PVT1: variants seen among roughly 807,000 people sequenced by gnomAD.
The protein encoded by PVT1 is CXCR4/PVT1 fusion.
In PVT1 at chr8:127,873,243, T is replaced by G. The variant is rs975427253; in HGVS notation, n.373-17346T>G. ...GCTTCTCCTTGCAGCCTTCTGAAGATTCCCATGACACACACCTGATTTACC... is the reference window on the plus strand; with the variant it reads ...GCTTCTCCTTGCAGCCTTCTGAAGAGTCCCATGACACACACCTGATTTACC... On this transcript the variant is annotated intron_variant and non_coding_transcript_variant, in intron 2 of 10. Coordinates refer to ENST00000651587, the Ensembl canonical transcript of PVT1. Among the ~76,000 whole-genome samples, 12 of 152,204 alleles carry G rather than the reference T, an allele frequency of 7.9e-5. No homozygotes were observed. The East Asian group carries it at 1.3e-3, about 17-fold the overall frequency.
chr8:127,877,919 C>T (rs1815422884), intron 2 of PVT1, among the ~76,000 whole-genome samples: 1 of 152,150 alleles, frequency 6.6e-6, no homozygotes, highest in African/African-American at 2.4e-5. Context: ...GAACCGGACT[C>T]TGTCTCAAAA....
At chr8:127,960,939 G>GC (rs1816633734) in intron 3 of PVT1, among the ~76,000 whole-genome samples, 1 of 120,968 alleles carries the variant, frequency 8.3e-6, no homozygotes, top group African/African-American at 3.4e-5. Context: ...TGTGTGTTTG[G>GC]GGGTGGGGGG....
chr8:127,986,474 T>C (rs1816971811), intron 3 of PVT1, among the ~76,000 whole-genome samples: 1 of 152,210 alleles, frequency 6.6e-6, no homozygotes, highest in South Asian at 2.1e-4. Context: ...AGCAGGTAGA[T>C]ATCCTTGAGA....
chr8:127,974,391 G>GCATCAT (rs151336453), intron 3 of PVT1, among the ~76,000 whole-genome samples: 4 of 151,748 alleles, frequency 2.6e-5, no homozygotes, highest in East Asian at 1.9e-4. Context: ...AAAAAAGTCA[G>GCATCAT]CATCATCATC....
chr8:127,844,218 T>C (rs1815005724), intron 2 of PVT1, among the ~76,000 whole-genome samples: 1 of 152,156 alleles, frequency 6.6e-6, no homozygotes, highest in South Asian at 2.1e-4. Flanking sequence ...TCTCCTGGCA[T>C]GTCTACATTA....
intron 4 of PVT1, among the ~76,000 whole-genome samples, chr8:128,049,631 G>A (rs1312744751): frequency 6.6e-6 from 1 of 152,126 alleles, no homozygotes; most frequent in Non-Finnish European, 1.5e-5. Context: ...GCAACACAGG[G>A]CTGCCATGCT....
chr8:127,887,819 C>A (rs916776710), intron 2 of PVT1, among the ~76,000 whole-genome samples: 1 of 151,650 alleles, frequency 6.6e-6, no homozygotes, highest in Non-Finnish European at 1.5e-5. Flanking sequence ...TGAGCCACCA[C>A]GCTTGGCCTA....
intron 4 of PVT1, among the ~76,000 whole-genome samples, chr8:128,058,455 C>T (rs547021045): frequency 4.0e-5 from 6 of 151,130 alleles, no homozygotes; most frequent in African/African-American, 1.2e-4. Context: ...AATAGCTCTT[C>T]TACTAAATAC....
chr8:127,805,705 G>C (rs1043035499), intron 2 of PVT1, among the ~76,000 whole-genome samples: 2 of 152,094 alleles, frequency 1.3e-5, no homozygotes, highest in East Asian at 1.9e-4. Flanking sequence ...AGATCAACTA[G>C]TACCAGTTCT....
intron 2 of PVT1, among the ~76,000 whole-genome samples, chr8:127,861,334 C>T (rs1039550257): frequency 1.3e-5 from 2 of 152,184 alleles, no homozygotes; most frequent in South Asian, 2.1e-4. Context: ...GCAGGCTGGG[C>T]GCCGTGGCTC....
intron 5 of PVT1, among the ~76,000 whole-genome samples, chr8:128,077,727 A>G (rs1451638061): frequency 6.6e-6 from 1 of 152,186 alleles, no homozygotes; most frequent in Non-Finnish European, 1.5e-5. Flanking sequence ...TTTTAATAAA[A>G]TGCTTGCAGA....
At chr8:127,944,976 T>A (rs1021973839) in intron 3 of PVT1, among the ~76,000 whole-genome samples, 1 of 151,754 alleles carries the variant, frequency 6.6e-6, no homozygotes, top group African/African-American at 2.4e-5. Flanking sequence ...TTCCGGGGAG[T>A]CTGACCCTCT....
intron 4 of PVT1, among the ~76,000 whole-genome samples, chr8:128,064,297 G>T (rs138739359): frequency 1.8e-3 from 269 of 152,320 alleles, no homozygotes; most frequent in African/African-American, 6.3e-3. Context: ...GCGATTCATG[G>T]TTTTACAAAA....
At chr8:127,981,755 C>A (rs1471618356) in intron 3 of PVT1, among the ~76,000 whole-genome samples, 2 of 152,124 alleles carry the variant, frequency 1.3e-5, no homozygotes, top group African/African-American at 4.8e-5. Flanking sequence ...TCCTTTCTTC[C>A]CACACCCCCA....
intron 5 of PVT1, among the ~76,000 whole-genome samples, chr8:128,096,099 G>A (rs950852841): frequency 1.3e-5 from 2 of 152,228 alleles, no homozygotes; most frequent in Admixed American, 1.3e-4. Context: ...AGGTACAACT[G>A]TGCTTTGTAA....
chr8:127,880,248 C>G (rs1815449945), intron 2 of PVT1, among the ~76,000 whole-genome samples: 1 of 152,202 alleles, frequency 6.6e-6, no homozygotes, highest in Non-Finnish European at 1.5e-5. Flanking sequence ...AGCACGTGAA[C>G]ACTGTCTGTG....
At chr8:127,824,725 A>G (rs1444598943) in intron 2 of PVT1, among the ~76,000 whole-genome samples, 1 of 152,128 alleles carries the variant, frequency 6.6e-6, no homozygotes, top group Non-Finnish European at 1.5e-5. Context: ...GTAAAGAGCA[A>G]GCTTTTAGGT....
At chr8:127,957,356 C>G (rs573240821) in intron 3 of PVT1, among the ~76,000 whole-genome samples, 22 of 152,140 alleles carry the variant, frequency 1.4e-4, no homozygotes, top group Admixed American at 7.9e-4. Context: ...ATCACGAGGT[C>G]AAGAGATCAA....
At chr8:127,974,235 TAC>T (rs1467288583) in intron 3 of PVT1, among the ~76,000 whole-genome samples, 1 of 152,196 alleles carries the variant, frequency 6.6e-6, no homozygotes, top group Non-Finnish European at 1.5e-5. Flanking sequence ...CATTGGTGCC[TAC>T]AGTTTCCATT....
Sources: gnomAD v4.1 joint callset for allele counts (sites outside exome capture counted in the v4.1 genomes callset) on GRCh38, gnomAD v4.1.1 for gene constraint, MANE v1.5 for transcripts, NCBI Gene and HGNC (gene_info 2026-07-23, HGNC 2026-07-21) for gene names.